The following PCDH15 variants were observed in gnomAD, a reference collection of about 807,000 sequenced individuals.
PCDH15 encodes the protein protocadherin related 15, also known as protocadherin-15.
A neutral mutation model predicts 178.5 loss-of-function variants in PCDH15; 129 were observed. That is an observed-to-expected ratio of 0.72 (90% CI 0.63 to 0.84). PCDH15 has a LOEUF of 0.84. Ranked by LOEUF, PCDH15 falls within the 40% of genes least tolerant of loss-of-function variation. PCDH15 has a pLI of 0.00. For synonymous variants in PCDH15, 800 were observed against 732.0 expected, an observed-to-expected ratio of 1.09 and a Z score of -1.50; for missense variants, 2,230 against 2,099.9, an observed-to-expected ratio of 1.06 and a Z score of -1.21.
chr10:54,867,656 T>C (rs183442799), intron 3 of PCDH15, among the ~76,000 whole-genome samples: 2 of 152,276 alleles, frequency 1.3e-5, no homozygotes, highest in African/African-American at 2.4e-5. Flanking sequence ...TCTTTAATAA[T>C]ATTATGCCAG....
At chr10:55,402,750 T>A (rs1838102009) in intron 2 of PCDH15, among the ~76,000 whole-genome samples, 1 of 152,052 alleles carries the variant, frequency 6.6e-6, no homozygotes, top group African/African-American at 2.4e-5. Context: ...TGATCCCTGA[T>A]ACTGGCTACT....
At chr10:54,493,901 C>G (rs1209165720) in intron 3 of PCDH15, among the ~76,000 whole-genome samples, 2 of 151,980 alleles carry the variant, frequency 1.3e-5, no homozygotes, top group Admixed American at 1.3e-4. Context: ...GAATACTATA[C>G]AGCCATAAAA....
intron 2 of PCDH15, among the ~76,000 whole-genome samples, chr10:55,464,026 AAAG>A (rs1199023116): frequency 7.8e-6 from 1 of 127,642 alleles, no homozygotes; most frequent in African/African-American, 2.8e-5. Context: ...AGAAAGAAAG[AAAG>A]AAAGAAAGAA....
At chr10:54,017,752 CT>C (rs1299287113) in intron 20 of PCDH15, among the ~76,000 whole-genome samples, 3 of 151,684 alleles carry the variant, frequency 2.0e-5, no homozygotes, top group Non-Finnish European at 4.4e-5. Context: ...ATGCAATACA[CT>C]TATGTAACAA....
intron 23 of PCDH15, among the ~76,000 whole-genome samples, chr10:53,942,237 A>G (rs1185438269): frequency 6.6e-6 from 1 of 152,034 alleles, no homozygotes; most frequent in African/African-American, 2.4e-5. Context: ...AAGTGTGTAA[A>G]GTAGATATTT....
At chr10:55,134,194 C>T (rs1356081272) in intron 2 of PCDH15, among the ~76,000 whole-genome samples, 1 of 152,072 alleles carries the variant, frequency 6.6e-6, no homozygotes, top group Non-Finnish European at 1.5e-5. Flanking sequence ...TAGGGGGAGC[C>T]TTGCTATTCA....
At chr10:54,487,982 A>C (rs2137057348) in intron 3 of PCDH15, among the ~76,000 whole-genome samples, 1 of 152,068 alleles carries the variant, frequency 6.6e-6, no homozygotes, top group Non-Finnish European at 1.5e-5. Context: ...CTTTTGACAA[A>C]TTAGACTAGT....
chr10:54,307,088 A>G (rs1163080517), intron 8 of PCDH15, among the ~76,000 whole-genome samples: 1,476 of 10,566 alleles, frequency 0.14, 237 homozygotes, highest in Non-Finnish European at 0.19. Flanking sequence ...ATACATATAT[A>G]TATATGTGTG....
At chr10:54,937,912 G>A (rs1245623135) in intron 2 of PCDH15, among the ~76,000 whole-genome samples, 1 of 151,974 alleles carries the variant, frequency 6.6e-6, no homozygotes, top group Admixed American at 6.5e-5. Context: ...AAACGTCCTT[G>A]TCTCATTCCT....
intron 24 of PCDH15, 74 bp from the exon 25 acceptor site, chr10:53,939,029 G>A: frequency 1.3e-6 from 2 of 1,483,882 alleles, no homozygotes; most frequent in Non-Finnish European, 1.9e-6. Flanking sequence ...AAAAGGCACT[G>A]TGATTTCAAA....
At chr10:54,662,351 C>T (rs1471767653) in intron 2 of PCDH15, among the ~76,000 whole-genome samples, 2 of 151,854 alleles carry the variant, frequency 1.3e-5, no homozygotes, top group East Asian at 3.9e-4. Flanking sequence ...AAAAATGAGA[C>T]ACCATTTCAT....
At chr10:55,382,813 C>G (rs1837569307) in intron 2 of PCDH15, among the ~76,000 whole-genome samples, 2 of 152,298 alleles carry the variant, frequency 1.3e-5, no homozygotes. Flanking sequence ...GGCTCGCCTA[C>G]TTGGCCACCG....
intron 2 of PCDH15, among the ~76,000 whole-genome samples, chr10:55,377,417 G>A (rs148497596): frequency 0.017 from 2,513 of 151,796 alleles, 41 homozygotes; most frequent in Middle Eastern, 0.058. Flanking sequence ...AGGAAAACAA[G>A]TATTCCTGGT....
rs564731672 is a variant in PCDH15 at position 54,717,787 on chromosome 10, T to C, written c.-28-53497A>G. Among the ~76,000 whole-genome samples, 4 of 143,548 alleles carry C rather than the reference T, an allele frequency of 2.8e-5. 1 individual carries two copies. In the South Asian group the frequency reaches 8.9e-4, roughly 32 times the overall value. 94.2% of individuals were successfully genotyped at this position (143,548 alleles called of 152,430 possible). On this transcript the variant is annotated intron_variant, in intron 1 of 37. Transcript: ENST00000644397. ...TATATACCCAAAGGACCATAAATCA[T>C]GCTGCTATAAAGACACATGCACACG...
At chr10:54,709,912 T>A (rs1430920432) in intron 1 of PCDH15, among the ~76,000 whole-genome samples, 3 of 144,904 alleles carry the variant, frequency 2.1e-5, no homozygotes, top group South Asian at 4.3e-4. Flanking sequence ...AATGTGTATA[T>A]GTGTGTAAGT....
chr10:55,309,840 C>CGGG (rs1026000261), intron 1 of PCDH15, among the ~76,000 whole-genome samples: 1 of 152,108 alleles, frequency 6.6e-6, no homozygotes, highest in African/African-American at 2.4e-5. Context: ...AATGTCTTCC[C>CGGG]TTACTTGAGA....
intron 2 of PCDH15, among the ~76,000 whole-genome samples, chr10:55,550,038 A>C (rs1186019697): frequency 6.6e-6 from 1 of 152,032 alleles, no homozygotes; most frequent in Admixed American, 6.6e-5. Flanking sequence ...GGCCTGGCCC[A>C]TTATATTGCT....
intron 18 of PCDH15, among the ~76,000 whole-genome samples, chr10:54,059,317 A>G (rs548452408): frequency 6.6e-6 from 1 of 152,336 alleles, no homozygotes; most frequent in South Asian, 2.1e-4. Flanking sequence ...AGTTTAGGCT[A>G]AATTGGGTCT....
At position 55,083,093 on chromosome 10, in the gene PCDH15, C is replaced by T. The variant is rs551912103; in HGVS notation, c.-80+83483G>A. On this transcript the variant is annotated intron_variant, in intron 2 of 5. Coordinates refer to the PCDH15 transcript ENST00000458638. ...TGATAACCACAACCAGAAAAAGATA[C>T]GTCAAATAGAAAACTATAGGGTTAT... 2.1e-3 allele frequency among the ~76,000 whole-genome samples: 311 copies of T among 151,414 alleles called. 3 individuals are homozygous for T. The highest frequency in any genetic ancestry group is 6.6e-3 in the African/African-American group (274 of 41,364).
Sources: gnomAD v4.1 joint callset for allele counts (sites outside exome capture counted in the v4.1 genomes callset) on GRCh38, gnomAD v4.1.1 for gene constraint, MANE v1.5 for transcripts, NCBI Gene and HGNC (gene_info 2026-07-23, HGNC 2026-07-21) for gene names.